The following SLCO3A1 variants were observed in gnomAD, a reference collection of about 807,000 sequenced individuals.
SLCO3A1 encodes the protein solute carrier organic anion transporter family member 3A1, also known as PGE1 transporter.
Under a neutral mutation model 63.1 loss-of-function variants are expected in SLCO3A1, and 27 were observed. The ratio of observed to expected loss-of-function variants is 0.43; its 90% CI spans 0.32 to 0.59. SLCO3A1 has a LOEUF of 0.59. SLCO3A1 is among the 20% of genes least tolerant of loss of function. The probability of loss-of-function intolerance (pLI) is 0.09; values close to 1 mark genes in which losing one functional copy is unlikely to be tolerated. For synonymous variants in SLCO3A1, 473 were observed against 409.9 expected (o/e 1.15, Z -1.86); for missense variants, 773 against 945.8 (o/e 0.82, Z 2.40).
intron 1 of SLCO3A1, among the ~76,000 whole-genome samples, chr15:91,901,429 C>G (rs1898151949): frequency 6.6e-6 from 1 of 152,138 alleles, no homozygotes; most frequent in Admixed American, 6.6e-5. Flanking sequence ...TTTAACTTTT[C>G]TGATGTTCTT....
intron 8 of SLCO3A1, among the ~76,000 whole-genome samples, chr15:92,148,159 G>A (rs1029111438): frequency 6.6e-6 from 1 of 152,224 alleles, no homozygotes; most frequent in Non-Finnish European, 1.5e-5. Flanking sequence ...AGTGAGCTGA[G>A]GTCATACCAC....
At chr15:92,095,241 T>A (rs2047524197) in intron 3 of SLCO3A1, among the ~76,000 whole-genome samples, 2 of 152,230 alleles carry the variant, frequency 1.3e-5, no homozygotes, top group African/African-American at 2.4e-5. Flanking sequence ...AATCTGTATT[T>A]TCCTTATCTG....
At chr15:92,042,662 A>T (rs972585015) in intron 2 of SLCO3A1, among the ~76,000 whole-genome samples, 3 of 152,126 alleles carry the variant, frequency 2.0e-5, no homozygotes, top group Non-Finnish European at 4.4e-5. Flanking sequence ...TGCAACTTTA[A>T]TGTGCCTCAA....
chr15:91,929,825 G>A (rs772626852), intron 2 of SLCO3A1, among the ~76,000 whole-genome samples: 17 of 152,136 alleles, frequency 1.1e-4, no homozygotes, highest in Admixed American at 2.0e-4. Flanking sequence ...TCACGTAGCA[G>A]GTTGCTCTCA....
At chr15:91,949,698 T>C (rs573932327) in intron 2 of SLCO3A1, among the ~76,000 whole-genome samples, 1 of 151,844 alleles carries the variant, frequency 6.6e-6, no homozygotes, top group African/African-American at 2.4e-5. Flanking sequence ...CCTATGAAAG[T>C]GTGTTGGTGG....
At position 92,126,395 on chromosome 15, in the gene SLCO3A1, G is replaced by A. The variant is rs146209129; in HGVS notation, c.1373+136G>A. 8.4e-3 allele frequency: 5,692 copies of A among 676,130 alleles called. 45 individuals are homozygous for A. The highest frequency in any genetic ancestry group is 0.018 in the Middle Eastern group (44 of 2,440). 41.9% of individuals were successfully genotyped at this position (676,130 alleles called of 1,614,324 possible). Reference sequence around the variant, plus strand: ...ATCACGGCTGCCTCTGCATCTTACTGTCCACGTTGGAGAATCAGTAGAACC... The same window carrying A: ...ATCACGGCTGCCTCTGCATCTTACTATCCACGTTGGAGAATCAGTAGAACC... On this transcript the variant is annotated intron_variant, in intron 6 of 9. Coordinates refer to ENST00000318445, the MANE Select transcript of SLCO3A1 (RefSeq NM_013272.4).
In SLCO3A1 at chr15:91,862,954, T is replaced by C. The variant is rs773810352; in HGVS notation, c.180+8866T>C. On this transcript the variant is annotated intron_variant, in intron 1 of 9. Coordinates refer to ENST00000318445, the MANE Select transcript of SLCO3A1 (RefSeq NM_013272.4). This position sits in a 1 kb window ranked among gnomAD's most constrained non-coding sequence, Gnocchi z 4.0. ...TAATTGTTGAATTTGTCTCCCAACT[T>C]CAGCTGATTAGAAGGAGAAATTACC... Among the ~76,000 whole-genome samples the C allele has an allele frequency of 3.3e-5, 5 of 152,240 alleles. No homozygotes were observed. The highest frequency in any genetic ancestry group is 7.3e-5 in the Non-Finnish European group (5 of 68,042).
chr15:92,042,590 G>A (rs780392136), intron 2 of SLCO3A1, among the ~76,000 whole-genome samples: 18 of 152,132 alleles, frequency 1.2e-4, no homozygotes, highest in East Asian at 7.7e-4. Flanking sequence ...CATTGCCCAC[G>A]TCCTACAAAG....
intron 2 of SLCO3A1, among the ~76,000 whole-genome samples, chr15:92,038,619 C>A (rs8039834): frequency 0.8 from 121,532 of 152,090 alleles, 48,640 homozygotes; most frequent in Admixed American, 0.89. Context: ...AAACAAATGG[C>A]AAAACATTCC....
At chr15:91,898,038 G>C (rs567294357) in intron 1 of SLCO3A1, among the ~76,000 whole-genome samples, 27 of 152,268 alleles carry the variant, frequency 1.8e-4, no homozygotes, top group African/African-American at 6.5e-4. Flanking sequence ...CTCTCGACAC[G>C]GTTTTCTAAG....
intron 2 of SLCO3A1, among the ~76,000 whole-genome samples, chr15:92,025,657 T>A (rs981798096): frequency 6.6e-6 from 1 of 152,196 alleles, no homozygotes; most frequent in Non-Finnish European, 1.5e-5. Flanking sequence ...GAGGCTATGA[T>A]CAATTCTTTT....
intron 9 of SLCO3A1, among the ~76,000 whole-genome samples, chr15:92,153,201 G>A (rs1034000870): frequency 5.3e-5 from 8 of 151,782 alleles, no homozygotes; most frequent in African/African-American, 1.9e-4. Context: ...TTTGCATTAT[G>A]GCCCAGTACG....
intron 1 of SLCO3A1, among the ~76,000 whole-genome samples, chr15:91,892,135 C>G (rs981118640): frequency 2.0e-4 from 30 of 152,176 alleles, no homozygotes; most frequent in African/African-American, 7.2e-4. Context: ...TCCCCAACAG[C>G]CTACAAAGTG....
chr15:92,035,640 C>T (rs768562861), intron 2 of SLCO3A1, among the ~76,000 whole-genome samples: 1 of 151,614 alleles, frequency 6.6e-6, no homozygotes, highest in African/African-American at 2.4e-5. Flanking sequence ...TAATTGCAAC[C>T]GTGAAGTGGC....
chr15:91,857,985 CAT>C (rs1438161425), intron 1 of SLCO3A1, among the ~76,000 whole-genome samples: 4 of 152,136 alleles, frequency 2.6e-5, no homozygotes, highest in Non-Finnish European at 5.9e-5. Context: ...AAAATAATGA[CAT>C]AGATGACTGA....
At chr15:91,985,882 G>C (rs146947144) in intron 2 of SLCO3A1, among the ~76,000 whole-genome samples, 1 of 152,202 alleles carries the variant, frequency 6.6e-6, no homozygotes, top group Non-Finnish European at 1.5e-5. Flanking sequence ...GCTGGTTCCT[G>C]TGGGCTTCCT....
intron 7 of SLCO3A1, among the ~76,000 whole-genome samples, chr15:92,135,675 C>G (rs2048048348): frequency 6.6e-6 from 1 of 152,192 alleles, no homozygotes; most frequent in South Asian, 2.1e-4. Context: ...ATGAGAAAAT[C>G]CATAAGTGTC....
At chr15:92,003,846 G>T (rs1351473200) in intron 2 of SLCO3A1, among the ~76,000 whole-genome samples, 1 of 152,192 alleles carries the variant, frequency 6.6e-6, no homozygotes, top group Non-Finnish European at 1.5e-5. Context: ...CAGTAGGTTT[G>T]AATGAGGTGG....
chr15:92,001,246 T>C (rs1439498213), intron 2 of SLCO3A1, among the ~76,000 whole-genome samples: 1 of 152,056 alleles, frequency 6.6e-6, no homozygotes, highest in Non-Finnish European at 1.5e-5. Flanking sequence ...GAAAACATGC[T>C]GTATTTGCAT....
Sources: allele counts gnomAD v4.1 joint callset (sites outside exome capture counted in the v4.1 genomes callset), GRCh38; gene constraint gnomAD v4.1.1; non-coding constraint Gnocchi (gnomAD v3.1); transcripts MANE v1.5; gene names NCBI Gene and HGNC (gene_info 2026-07-23, HGNC 2026-07-21).